The following GMDS variants were observed in gnomAD, a reference collection of about 807,000 sequenced individuals.
GMDS encodes GDP-mannose 4,6-dehydratase.
Under a neutral mutation model 49.9 loss-of-function variants are expected in GMDS, and 20 were observed. That is an observed-to-expected ratio of 0.40 (90% CI 0.28 to 0.58). The LOEUF (loss-of-function observed/expected upper bound fraction) is 0.58, where lower values mean the gene tolerates loss of function less well. GMDS is among the 20% of genes least tolerant of loss of function. The pLI is 0.42. For missense variants in GMDS, 362 were observed against 481.4 expected (o/e 0.75, Z 2.32); for synonymous variants, 177 against 178.6 (o/e 0.99, Z 0.07).
chr6:1,646,643 C>T (rs757958720), intron 9 of GMDS, among the ~76,000 whole-genome samples: 30 of 152,310 alleles, frequency 2.0e-4, no homozygotes, highest in Non-Finnish European at 2.2e-4. Context: ...TTTGGCCTCC[C>T]AAAGTGCTGA....
At chr6:1,646,427 A>C (rs1158621793) in intron 9 of GMDS, among the ~76,000 whole-genome samples, 1 of 152,046 alleles carries the variant, frequency 6.6e-6, no homozygotes, top group Non-Finnish European at 1.5e-5. Context: ...ATATCTGACC[A>C]CTGTGTTTTG....
At chr6:2,150,931 T>C (rs939711983) in intron 1 of GMDS, among the ~76,000 whole-genome samples, 1 of 152,180 alleles carries the variant, frequency 6.6e-6, no homozygotes, top group African/African-American at 2.4e-5. Flanking sequence ...GAATGAAATA[T>C]GATTAGACTG....
At chr6:1,934,347 T>C (rs1762426595) in intron 6 of GMDS, among the ~76,000 whole-genome samples, 1 of 152,226 alleles carries the variant, frequency 6.6e-6, no homozygotes, top group Non-Finnish European at 1.5e-5. Context: ...TAAGGTTATT[T>C]TAGCTATTCT....
chr6:2,060,122 T>C lies in GMDS; in HGVS notation c.345+55649A>G, dbSNP rs137964543. 3.6e-3 allele frequency among the ~76,000 whole-genome samples: 547 copies of C among 152,252 alleles called. 3 individuals carry two copies. The highest frequency in any genetic ancestry group is 0.012 in the African/African-American group (508 of 41,526). On this transcript the variant is annotated intron_variant, in intron 4 of 10. Transcript: ENST00000380815. ...CATTAAACCACAGAAGGGACATCAGTGACACAAACACCCATGTTTGATAGG... is the reference window on the plus strand; with the variant it reads ...CATTAAACCACAGAAGGGACATCAGCGACACAAACACCCATGTTTGATAGG...
intron 1 of GMDS, among the ~76,000 whole-genome samples, chr6:2,222,784 G>A (rs560269920): frequency 3.9e-5 from 6 of 152,140 alleles, no homozygotes; most frequent in Non-Finnish European, 8.8e-5. Flanking sequence ...AAGACAGTGA[G>A]GCAGTTAATT....
intron 9 of GMDS, among the ~76,000 whole-genome samples, chr6:1,691,290 G>A (rs1463588179): frequency 2.0e-5 from 3 of 151,766 alleles, no homozygotes; most frequent in Non-Finnish European, 4.4e-5. Flanking sequence ...GTTCTCACTC[G>A]TAAGTGGGAG....
chr6:1,815,577 T>C (rs1770624668), intron 7 of GMDS, among the ~76,000 whole-genome samples: 1 of 152,222 alleles, frequency 6.6e-6, no homozygotes, highest in African/African-American at 2.4e-5. Context: ...AAAAACAGTC[T>C]AAATTTTTGT....
At chr6:1,917,335 C>G (rs1414045167) in intron 7 of GMDS, among the ~76,000 whole-genome samples, 2 of 152,184 alleles carry the variant, frequency 1.3e-5, no homozygotes, top group Non-Finnish European at 2.9e-5. Flanking sequence ...GGCTGGAACC[C>G]ACTGCCTGAT....
chr6:1,644,293 T>A (rs1763423537), intron 9 of GMDS, among the ~76,000 whole-genome samples: 1 of 152,180 alleles, frequency 6.6e-6, no homozygotes. Context: ...CTAGGGCCTG[T>A]CAGGTGGACT....
In GMDS at chr6:2,197,288, A is replaced by G. The variant is rs1192867388; in HGVS notation, c.102+48033T>C. On this transcript the variant is annotated intron_variant, in intron 1 of 10. Coordinates refer to ENST00000380815, the MANE Select transcript of GMDS (RefSeq NM_001500.4). ...GCCGCCCAGCTCTCCAAGTGGAAAC[A>G]CTGAGTGGGAAGGAGGCTCTCAAAG... is the stretch of plus-strand genomic sequence containing the variant. Among the ~76,000 whole-genome samples the G allele has an allele frequency of 3.3e-5, 5 of 152,214 alleles. No individual in the cohort carries two copies. In the East Asian group the frequency reaches 9.7e-4, roughly 29 times the overall value.
intron 1 of GMDS, among the ~76,000 whole-genome samples, chr6:2,208,016 C>A (rs2127580869): frequency 6.6e-6 from 1 of 152,024 alleles, no homozygotes; most frequent in South Asian, 2.1e-4. Flanking sequence ...GACAGGTATT[C>A]CCTTCCCAGA....
At chr6:2,074,599 AG>A (rs1473940289) in intron 4 of GMDS, among the ~76,000 whole-genome samples, 2 of 152,104 alleles carry the variant, frequency 1.3e-5, no homozygotes, top group Non-Finnish European at 2.9e-5. Flanking sequence ...AACATCCTTA[AG>A]TGTTTTCCCT....
intron 9 of GMDS, among the ~76,000 whole-genome samples, chr6:1,633,261 C>T (rs186184933): frequency 6.6e-6 from 1 of 152,336 alleles, no homozygotes; most frequent in Admixed American, 6.5e-5. Context: ...CCCAACCCTT[C>T]CTCTAATTTT....
At chr6:2,061,290 A>G (rs1357968004) in intron 4 of GMDS, among the ~76,000 whole-genome samples, 1 of 152,182 alleles carries the variant, frequency 6.6e-6, no homozygotes, top group African/African-American at 2.4e-5. Flanking sequence ...GTCTCCCTGA[A>G]CCTCACACAT....
intron 4 of GMDS, among the ~76,000 whole-genome samples, chr6:1,973,545 G>T (rs1045067683): frequency 6.6e-6 from 1 of 152,070 alleles, no homozygotes; most frequent in African/African-American, 2.4e-5. Flanking sequence ...AATGTTTGCT[G>T]CCAGTTACCA....
At chr6:1,795,289 T>C (rs969614575) in intron 7 of GMDS, among the ~76,000 whole-genome samples, 7 of 152,148 alleles carry the variant, frequency 4.6e-5, no homozygotes, top group African/African-American at 1.2e-4. Flanking sequence ...GAGGTACAGA[T>C]TTTTTGTTTT....
At chr6:1,805,644 T>C (rs1378116893) in intron 7 of GMDS, among the ~76,000 whole-genome samples, 1 of 152,234 alleles carries the variant, frequency 6.6e-6, no homozygotes, top group Admixed American at 6.5e-5. Context: ...TTAATGAGAT[T>C]TTTTTAAATT....
At chr6:1,877,665 AAAGAC>A (rs1340435411) in intron 7 of GMDS, among the ~76,000 whole-genome samples, 8 of 151,012 alleles carry the variant, frequency 5.3e-5, no homozygotes, top group Non-Finnish European at 1.2e-4. Context: ...AAAAAAAAAA[AAAGAC>A]AGGTCCAATA....
chr6:1,817,305 A>G (rs912408154), intron 7 of GMDS, among the ~76,000 whole-genome samples: 1 of 152,058 alleles, frequency 6.6e-6, no homozygotes, highest in East Asian at 1.9e-4. Flanking sequence ...GTTTTCTCCA[A>G]TTTCACCACA....
Sources: allele counts gnomAD v4.1 joint callset (sites outside exome capture counted in the v4.1 genomes callset), GRCh38; gene constraint gnomAD v4.1.1; transcripts MANE v1.5; gene names NCBI Gene and HGNC (gene_info 2026-07-23, HGNC 2026-07-21).